CEMIP2: variants seen among roughly 807,000 people sequenced by gnomAD.
CEMIP2 encodes the protein cell surface hyaluronidase CEMIP2.
Under a neutral mutation model 146.9 loss-of-function variants are expected in CEMIP2, and 79 were observed. The observed-to-expected ratio is 0.54, with a 90% confidence interval of 0.45 to 0.65. The LOEUF is 0.65. CEMIP2 is among the 30% of genes least tolerant of loss of function. The probability of loss-of-function intolerance (pLI) is 0.00; values close to 1 mark genes in which losing one functional copy is unlikely to be tolerated. For missense variants in CEMIP2, 1,596 were observed against 1,696.2 expected, an observed-to-expected ratio of 0.94 and a Z score of 1.04; for synonymous variants, 601 against 606.3, an observed-to-expected ratio of 0.99 and a Z score of 0.13.
intron 2 of CEMIP2, among the ~76,000 whole-genome samples, chr9:71,749,571 T>C (rs189753973): frequency 5.7e-4 from 86 of 152,134 alleles, no homozygotes; most frequent in Non-Finnish European, 9.6e-4. Context: ...CCAGATGTGG[T>C]GGCACTTGCC....
intron 4 of CEMIP2, among the ~76,000 whole-genome samples, chr9:71,741,004 T>C (rs765522120): frequency 1.2e-4 from 18 of 152,114 alleles, no homozygotes; most frequent in Non-Finnish European, 1.9e-4. Flanking sequence ...CAGGGCACCA[T>C]ACTTTGAAAA....
intron 2 of CEMIP2, among the ~76,000 whole-genome samples, chr9:71,748,649 T>G (rs1016781148): frequency 6.6e-5 from 10 of 152,204 alleles, no homozygotes; most frequent in African/African-American, 2.4e-4. Flanking sequence ...CACAGAGAAC[T>G]TGGTTATTCT....
At chr9:71,727,129 C>T (rs62547014) in intron 10 of CEMIP2, among the ~76,000 whole-genome samples, 9 of 152,126 alleles carry the variant, frequency 5.9e-5, no homozygotes, top group Non-Finnish European at 7.4e-5. Context: ...ATAAAAAGGA[C>T]GAACATACAT....
At chr9:71,749,982 C>T in intron 2 of CEMIP2, 61 bp downstream of exon 2, 1 of 1,450,874 alleles carries the variant, frequency 6.9e-7, no homozygotes, top group Non-Finnish European at 9.2e-7. Flanking sequence ...TTTAAGTATT[C>T]TACTATTTCC....
chr9:71,728,797 GT>G (rs199691550), intron 10 of CEMIP2, among the ~76,000 whole-genome samples: 3 of 140,622 alleles, frequency 2.1e-5, no homozygotes, highest in Non-Finnish European at 4.6e-5. Flanking sequence ...AAAAGCTAAG[GT>G]CTTTTTTGTG....
In CEMIP2 at chr9:71,700,725, G is replaced by A. The variant is rs202183521; in HGVS notation, c.3294C>T (p.Ile1098=). ...LQRQNGSLSK[I]EEYEPVHSLE... ...GTGAATGCACAGGCTCATATTCTTCGATTTTGGATAATGAGCCATTCTGCC... is the reference window on the plus strand; with the variant it reads ...GTGAATGCACAGGCTCATATTCTTCAATTTTGGATAATGAGCCATTCTGCC... The change falls in exon 19 of 24, where the codon ATC becomes ATT. Residue 1098 remains isoleucine (I), a synonymous_variant. Coordinates refer to ENST00000377044, the MANE Select transcript of CEMIP2 (RefSeq NM_013390.3). 61 of 1,613,836 alleles carry A rather than the reference G, an allele frequency of 3.8e-5. No homozygotes were observed. In the East Asian group the frequency reaches 1.1e-3, roughly 29 times the overall value.
At chr9:71,733,491 G>A (rs1382675589) in intron 6 of CEMIP2, among the ~76,000 whole-genome samples, 1 of 152,122 alleles carries the variant, frequency 6.6e-6, no homozygotes, top group African/African-American at 2.4e-5. Flanking sequence ...TATCAAGAAG[G>A]AAAAGTACAA....
chr9:71,706,746 A>G lies in CEMIP2; in HGVS notation c.2986-1943T>C, dbSNP rs540651660. ...GACAGACAGATAGATATACGCACAC[A>G]TGCATGAATACTCATGGCTGGCAAG... is the stretch of plus-strand genomic sequence containing the variant. On this transcript the variant is annotated intron_variant, in intron 17 of 23. Coordinates refer to ENST00000377044, the MANE Select transcript of CEMIP2 (RefSeq NM_013390.3). 2.0e-4 allele frequency among the ~76,000 whole-genome samples: 30 copies of G among 152,340 alleles called. No homozygotes were observed. The South Asian group carries it at 5.8e-3, about 29-fold the overall frequency.
At chr9:71,721,699 C>T (rs1370637827) in intron 12 of CEMIP2, among the ~76,000 whole-genome samples, 1 of 152,200 alleles carries the variant, frequency 6.6e-6, no homozygotes, top group Non-Finnish European at 1.5e-5. Context: ...ATCTAGCACT[C>T]TATCAACTCC....
At chr9:71,753,324 C>A (rs879939016) in intron 1 of CEMIP2, among the ~76,000 whole-genome samples, 1 of 151,990 alleles carries the variant, frequency 6.6e-6, no homozygotes, top group Admixed American at 6.6e-5. Context: ...CAGATGTGCC[C>A]ACAATAAAAT....
intron 1 of CEMIP2, among the ~76,000 whole-genome samples, chr9:71,755,959 CACAAAAA>C (rs1416002313): frequency 1.7e-3 from 67 of 39,010 alleles, no homozygotes; most frequent in South Asian, 5.8e-3. Context: ...GACTCTGTCT[CACAAAAA>C]AAAAAAAAAA....
intron 2 of CEMIP2, among the ~76,000 whole-genome samples, chr9:71,747,389 C>T (rs1824121216): frequency 6.6e-6 from 1 of 152,106 alleles, no homozygotes; most frequent in African/African-American, 2.4e-5. Context: ...AGACCTCAGG[C>T]AAAGGAGGCA....
intron 22 of CEMIP2, chr9:71,686,105 C>G (rs1822052185): frequency 2.8e-6 from 1 of 363,190 alleles, no homozygotes; most frequent in Non-Finnish European, 5.1e-6. Context: ...TGCAGGGCTT[C>G]CCAACCCCTG....
At chr9:71,722,537 C>G in intron 11 of CEMIP2, 22 bp from the exon 12 acceptor site, 1 of 1,561,300 alleles carries the variant, frequency 6.4e-7, no homozygotes, top group African/African-American at 1.4e-5. Flanking sequence ...AAATAATGGA[C>G]TGGAATGAAT....
intron 17 of CEMIP2, 33 bp downstream of exon 17, chr9:71,709,226 G>C (rs774445798): frequency 2.0e-5 from 32 of 1,604,164 alleles, no homozygotes; most frequent in Non-Finnish European, 2.6e-5. Context: ...GGAGCTGGTA[G>C]GAACTTGAGC....
intron 15 of CEMIP2, among the ~76,000 whole-genome samples, chr9:71,714,464 C>T (rs1009693012): frequency 6.6e-6 from 1 of 152,066 alleles, no homozygotes; most frequent in Admixed American, 6.5e-5. Context: ...TTTGAGTTAA[C>T]TTTGGCATCA....
rs1822529914 is a variant in CEMIP2, at chr9:71,700,560, C to T, written c.3377+82G>A. On this transcript the variant is annotated intron_variant, in intron 19 of 23. Transcript: ENST00000377044. ...TACCCACATCAGCTGCTTCACTAAACAGCCGCGATGCTGAAGAACTAGCAA... is the reference window on the plus strand; with the variant it reads ...TACCCACATCAGCTGCTTCACTAAATAGCCGCGATGCTGAAGAACTAGCAA... 6 of 1,425,678 alleles carry T rather than the reference C, an allele frequency of 4.2e-6. No individual in the cohort carries two copies. The East Asian group carries it at 9.2e-5, about 22-fold the overall frequency. The allele number at this position is 1,425,678 out of a possible 1,614,324, so 88.3% of individuals were successfully genotyped here.
chr9:71,706,085 C>A (rs1228710735), intron 17 of CEMIP2, among the ~76,000 whole-genome samples: 1 of 151,742 alleles, frequency 6.6e-6, no homozygotes, highest in African/African-American at 2.4e-5. Flanking sequence ...AAAAATTAGC[C>A]AGGTGTGGTG....
At chr9:71,766,185 CAG>C (rs1045023398) in intron 1 of CEMIP2, among the ~76,000 whole-genome samples, 5 of 151,870 alleles carry the variant, frequency 3.3e-5, no homozygotes, top group African/African-American at 1.2e-4. Context: ...TCTCCTTCCT[CAG>C]CCTCCCGAGT....
Sources: gnomAD v4.1 joint callset for allele counts (sites outside exome capture counted in the v4.1 genomes callset) on GRCh38, gnomAD v4.1.1 for gene constraint, MANE v1.5 for transcripts, NCBI Gene and HGNC (gene_info 2026-07-23, HGNC 2026-07-21) for gene names.